The following ZMAT4 variants were observed in gnomAD, a reference collection of about 807,000 sequenced individuals.
ZMAT4 encodes zinc finger matrin-type protein 4.
Under a neutral mutation model 28.7 loss-of-function variants are expected in ZMAT4, and 17 were observed. That is an observed-to-expected ratio of 0.59 (90% CI 0.41 to 0.89). The LOEUF (loss-of-function observed/expected upper bound fraction) is 0.89, where lower values mean the gene tolerates loss of function less well. ZMAT4 is among the 40% of genes least tolerant of loss of function. The pLI is 0.00. For missense variants in ZMAT4, 240 were observed against 283.8 expected (o/e 0.85, Z 1.11); for synonymous variants, 117 against 109.2 (o/e 1.07, Z -0.44).
At chr8:40,868,419 G>A (rs1046308370) in intron 1 of ZMAT4, among the ~76,000 whole-genome samples, 2 of 152,082 alleles carry the variant, frequency 1.3e-5, no homozygotes, top group African/African-American at 4.8e-5. Context: ...CACAGGGGAG[G>A]AAGTAAACCT....
At chr8:40,823,721 G>A (rs1055392647) in intron 2 of ZMAT4, among the ~76,000 whole-genome samples, 4 of 140,860 alleles carry the variant, frequency 2.8e-5, no homozygotes, top group Admixed American at 6.9e-5. Flanking sequence ...GTGTGTGTGC[G>A]TGTGTGTTTA....
At chr8:40,770,816 C>A (rs990992570) in intron 2 of ZMAT4, among the ~76,000 whole-genome samples, 1 of 152,086 alleles carries the variant, frequency 6.6e-6, no homozygotes, top group Non-Finnish European at 1.5e-5. Context: ...CCTTTCCTTT[C>A]TTCCTGGCTT....
rs372069270 is a variant in ZMAT4 at position 40,887,993 on chromosome 8, TC to T, written c.-5+9689del. On this transcript the variant is annotated intron_variant, in intron 1 of 6. Transcript: ENST00000297737. ...CCTCCTGCCTCCCATGAGGCCCTCA[TC>T]CTTCAATGCTCAGGGCTTGGGACCC... 1.6e-4 allele frequency among the ~76,000 whole-genome samples: 24 copies of T among 152,168 alleles called. No homozygotes were observed. In the East Asian group the frequency reaches 3.3e-3, roughly 21 times the overall value.
At chr8:40,741,020 ACG>A (rs539588145) in intron 3 of ZMAT4, among the ~76,000 whole-genome samples, 6 of 148,338 alleles carry the variant, frequency 4.0e-5, no homozygotes, top group East Asian at 2.0e-4. Flanking sequence ...ACACACACAC[ACG>A]CACACACAGC....
At chr8:40,756,426 T>TTATATATATATATATA (rs72008675) in intron 3 of ZMAT4, among the ~76,000 whole-genome samples, 3,901 of 72,210 alleles carry the variant, frequency 0.054, 254 homozygotes, top group Non-Finnish European at 0.064. Context: ...AAATGTTCTT[T>TTATATATATATATATA]TATATATATA....
intron 3 of ZMAT4, among the ~76,000 whole-genome samples, chr8:40,697,732 C>A (rs983993802): frequency 7.1e-6 from 1 of 141,722 alleles, no homozygotes; most frequent in Non-Finnish European, 1.5e-5. Flanking sequence ...CCTGACCGGC[C>A]CCGGTGCAAT....
intron 6 of ZMAT4, among the ~76,000 whole-genome samples, chr8:40,543,588 A>G (rs531883396): frequency 6.6e-6 from 1 of 152,196 alleles, no homozygotes; most frequent in Non-Finnish European, 1.5e-5. Flanking sequence ...CGTCTAAATC[A>G]TGGAACCTAG....
intron 6 of ZMAT4, among the ~76,000 whole-genome samples, chr8:40,558,279 G>A (rs138811013): frequency 8.4e-4 from 128 of 152,182 alleles, no homozygotes; most frequent in African/African-American, 2.5e-3. Flanking sequence ...TGCCAGCGGA[G>A]GGGACTATGA....
At chr8:40,692,959 T>C (rs1006545825) in intron 4 of ZMAT4, among the ~76,000 whole-genome samples, 2 of 152,170 alleles carry the variant, frequency 1.3e-5, no homozygotes, top group Non-Finnish European at 2.9e-5. Flanking sequence ...TAACTGGAGT[T>C]TGCTCATATA....
At chr8:40,622,512 C>G (rs1393404887) in intron 5 of ZMAT4, among the ~76,000 whole-genome samples, 1 of 152,208 alleles carries the variant, frequency 6.6e-6, no homozygotes, top group Non-Finnish European at 1.5e-5. Flanking sequence ...CTTCCCTTTT[C>G]TGGGTTTTAT....
chr8:40,667,157 T>C (rs1808451103), intron 5 of ZMAT4, among the ~76,000 whole-genome samples: 1 of 151,904 alleles, frequency 6.6e-6, no homozygotes, highest in African/African-American at 2.4e-5. Flanking sequence ...ATTTTTTTTA[T>C]TTTTATTTTT....
chr8:40,602,707 T>A (rs914061667), intron 5 of ZMAT4, among the ~76,000 whole-genome samples: 1 of 152,184 alleles, frequency 6.6e-6, no homozygotes, highest in Non-Finnish European at 1.5e-5. Context: ...TAGCCCACTT[T>A]TTGATGATGG....
At chr8:40,549,811 C>G (rs1803313031) in intron 6 of ZMAT4, among the ~76,000 whole-genome samples, 1 of 152,076 alleles carries the variant, frequency 6.6e-6, no homozygotes, top group African/African-American at 2.4e-5. Flanking sequence ...GCCTAAATTC[C>G]TTAGATTTAT....
chr8:40,576,386 C>G (rs1804264942), intron 6 of ZMAT4, among the ~76,000 whole-genome samples: 1 of 151,694 alleles, frequency 6.6e-6, no homozygotes, highest in Admixed American at 6.6e-5. Flanking sequence ...TGTCAAAAGT[C>G]AAAGACAAAG....
intron 2 of ZMAT4, 95 bp downstream of exon 2, chr8:40,825,480 C>T (rs1815999409): frequency 1.9e-6 from 2 of 1,038,780 alleles, no homozygotes; most frequent in South Asian, 1.5e-5. Flanking sequence ...TTCAAATGTG[C>T]CCCAAGTCCA....
At chr8:40,700,931 A>G (rs1234274004) in intron 3 of ZMAT4, among the ~76,000 whole-genome samples, 1 of 152,218 alleles carries the variant, frequency 6.6e-6, no homozygotes, top group Non-Finnish European at 1.5e-5. Flanking sequence ...CTAGCACCAC[A>G]TTTACCACAC....
rs10690797 is a variant in ZMAT4 at position 40,715,047 on chromosome 8, C to CA, written c.193-17647dup. On this transcript the variant is annotated intron_variant, in intron 3 of 6. Coordinates refer to ENST00000297737, the MANE Select transcript of ZMAT4 (RefSeq NM_024645.3). Reference sequence around the variant, plus strand: ...CTGGCGACAGAGGGAGACTCTGTCTCAAAAAAAAAAAAAAAAAGTGTGTGA... The same window carrying CA: ...CTGGCGACAGAGGGAGACTCTGTCTCAAAAAAAAAAAAAAAAAAGTGTGTGA... Among the ~76,000 whole-genome samples the CA allele has an allele frequency of 7.6e-3, 561 of 73,334 alleles. 14 individuals carry two copies. The highest frequency in any genetic ancestry group is 0.011 in the Non-Finnish European group (452 of 41,140). 48.1% of individuals were successfully genotyped at this position (73,334 alleles called of 152,430 possible).
rs1284727122 is a variant in ZMAT4, at chr8:40,825,569, C to T, written c.102+6G>A. 6.4e-7 allele frequency: 1 copy of T among 1,551,300 alleles called. No homozygotes were observed. Among genetic ancestry groups the T allele is most frequent in the African/African-American group, 1.4e-5 (1 of 73,092 alleles). On this transcript the variant is annotated splice_donor_region_variant and intron_variant, in intron 2 of 6. Transcript: ENST00000297737. ...TTGCAAACAGAGTGGGAAACGCTGTCCTTACCTCGTAGTGGGCCACACGCT... is the reference window on the plus strand; with the variant it reads ...TTGCAAACAGAGTGGGAAACGCTGTTCTTACCTCGTAGTGGGCCACACGCT...
intron 3 of ZMAT4, among the ~76,000 whole-genome samples, chr8:40,713,635 G>A (rs12114498): frequency 7.4e-4 from 113 of 152,052 alleles, no homozygotes; most frequent in African/African-American, 2.4e-3. Flanking sequence ...CAGGCCAGGC[G>A]CAGTGGCTCT....
Sources: allele counts gnomAD v4.1 joint callset (sites outside exome capture counted in the v4.1 genomes callset), GRCh38; gene constraint gnomAD v4.1.1; transcripts MANE v1.5; gene names NCBI Gene and HGNC (gene_info 2026-07-23, HGNC 2026-07-21).